Variants in KLRB1 observed in about 807,000 individuals in gnomAD.
KLRB1 encodes the protein killer cell lectin-like receptor subfamily B member 1.
In KLRB1, 27 loss-of-function variants were observed where a neutral mutation model predicts 33.5. The observed-to-expected ratio is 0.81, with a 90% CI of 0.59 to 1.11. The LOEUF (loss-of-function observed/expected upper bound fraction) is 1.11, where lower values mean the gene tolerates loss of function less well. Among genes scored for constraint, KLRB1 ranks in the 50% most tolerant of loss-of-function variants. The pLI, the probability that KLRB1 is intolerant of heterozygous loss-of-function variation, is 0.00. For synonymous variants in KLRB1, 64 were observed against 88.9 expected, an observed-to-expected ratio of 0.72 and a Z score of 1.58; for missense variants, 241 against 254.1, an observed-to-expected ratio of 0.95 and a Z score of 0.35.
intron 1 of KLRB1, among the ~76,000 whole-genome samples, chr12:9,604,935 C>T (rs1351647749): frequency 6.6e-6 from 1 of 152,062 alleles, no homozygotes. Flanking sequence ...GTTTGTTGCA[C>T]CCGTTAACTC....
intron 1 of KLRB1, among the ~76,000 whole-genome samples, chr12:9,606,662 ATAAAATATATAAAATATATG>A (rs1864603095): frequency 1.0e-5 from 1 of 95,386 alleles, no homozygotes; most frequent in African/African-American, 6.7e-5. Flanking sequence ...ATATATATAT[ATAAAATATATAAAATATATG>A]TATAAAAAGT....
intron 1 of KLRB1, among the ~76,000 whole-genome samples, chr12:9,602,749 T>C (rs1429095847): frequency 6.6e-6 from 1 of 152,312 alleles, no homozygotes; most frequent in East Asian, 1.9e-4. Context: ...TCTAATATTA[T>C]TCCATGTAAG....
chr12:9,607,325 C>CTTT (rs879484074), intron 1 of KLRB1, among the ~76,000 whole-genome samples: 2 of 52,210 alleles, frequency 3.8e-5, no homozygotes, highest in Non-Finnish European at 8.5e-5. Context: ...TCTTTTCTTT[C>CTTT]TCTTTCTTTC....
At position 9,606,734 on chromosome 12, in the gene KLRB1, GTATA is replaced by G. The variant is rs1234515362; in HGVS notation, c.85+1017_85+1020del. 7.0e-3 allele frequency among the ~76,000 whole-genome samples: 174 copies of G among 24,888 alleles called. 14 individuals carry two copies. The highest frequency in any genetic ancestry group is 0.013 in the African/African-American group (71 of 5,326). 16.3% of individuals were successfully genotyped at this position (24,888 alleles called of 152,430 possible). A position where few individuals can be genotyped will look rare whatever the true frequency, so the allele number is the denominator to read the frequency against. On this transcript the variant is annotated intron_variant, in intron 1 of 5. Coordinates refer to ENST00000229402, the MANE Select transcript of KLRB1 (RefSeq NM_002258.3). ...AATATATAAAATATATGTATAAAAA[GTATA>G]TATATATATATATATATATATATTT...
intron 3 of KLRB1, 79 bp downstream of exon 3, chr12:9,599,688 A>T: frequency 2.3e-6 from 2 of 886,306 alleles, no homozygotes; most frequent in Admixed American, 3.4e-5. Flanking sequence ...ATGGATTGTT[A>T]TGAATTGTGC....
chr12:9,596,085 G>A (rs774327959), intron 5 of KLRB1, among the ~76,000 whole-genome samples: 3 of 152,140 alleles, frequency 2.0e-5, no homozygotes, highest in Non-Finnish European at 4.4e-5. Flanking sequence ...CAAACAAAGG[G>A]ACAGGCTGTA....
At chr12:9,599,988 A>G in intron 2 of KLRB1, 147 bp from the exon 3 acceptor site, 1 of 564,962 alleles carries the variant, frequency 1.8e-6, no homozygotes, top group Non-Finnish European at 3.1e-6. Flanking sequence ...GGTAAAAAAA[A>G]AAAAAAAAGA....
intron 2 of KLRB1, 139 bp from the exon 3 acceptor site, chr12:9,599,980 TAAA>T (rs55659351): frequency 0.41 from 180,736 of 444,164 alleles, 15,322 homozygotes; most frequent in East Asian, 0.47. Flanking sequence ...AGCGAAGTGG[TAAA>T]AAAAAAAAAA....
chr12:9,605,824 ACT>A (rs1864593455), intron 1 of KLRB1, among the ~76,000 whole-genome samples: 1 of 152,094 alleles, frequency 6.6e-6, no homozygotes, highest in African/African-American at 2.4e-5. Flanking sequence ...CTTCAGGTTT[ACT>A]CTCAGAATGA....
chr12:9,598,478 G>A, intron 4 of KLRB1, 21 bp downstream of exon 4: 3 of 1,591,974 alleles, frequency 1.9e-6, no homozygotes, highest in East Asian at 2.2e-5. Flanking sequence ...TTTTATTAAG[G>A]TATTTTATTT....
intron 1 of KLRB1, among the ~76,000 whole-genome samples, chr12:9,602,058 A>G (rs1864552139): frequency 6.6e-6 from 1 of 152,214 alleles, no homozygotes; most frequent in African/African-American, 2.4e-5. Flanking sequence ...GGTGGTATAC[A>G]GAAATTCTAT....
At chr12:9,604,773 C>T (rs181866423) in intron 1 of KLRB1, among the ~76,000 whole-genome samples, 20 of 152,126 alleles carry the variant, frequency 1.3e-4, no homozygotes, top group African/African-American at 4.8e-4. Context: ...ACATTAACAC[C>T]GTCTCATCTT....
In KLRB1 at chr12:9,601,497, T is replaced by C. The variant is rs201841984; in HGVS notation, c.184+4A>G. On this transcript the variant is annotated splice_donor_region_variant and intron_variant, in intron 2 of 5. Coordinates refer to ENST00000229402, the MANE Select transcript of KLRB1 (RefSeq NM_002258.3). ...TATGAAACAGATGATGGTGCCCCAC[T>C]TACCTGAAACACTCAACCCAGTAAC... 9.1e-5 allele frequency: 145 copies of C among 1,599,460 alleles called. No individual in the cohort carries two copies. The highest frequency in any genetic ancestry group is 2.3e-4 in the Admixed American group (14 of 59,950).
intron 5 of KLRB1, among the ~76,000 whole-genome samples, chr12:9,597,196 C>T (rs768137997): frequency 3.9e-5 from 6 of 151,998 alleles, no homozygotes; most frequent in Non-Finnish European, 7.4e-5. Context: ...TTTTGAGTGA[C>T]GGAAAATACA....
At chr12:9,605,590 G>C (rs1196518888) in intron 1 of KLRB1, among the ~76,000 whole-genome samples, 1 of 152,210 alleles carries the variant, frequency 6.6e-6, no homozygotes, top group East Asian at 1.9e-4. Flanking sequence ...TTTTCTAACA[G>C]ACCAAACCCT....
At chr12:9,605,842 T>A (rs1864593592) in intron 1 of KLRB1, among the ~76,000 whole-genome samples, 1 of 152,234 alleles carries the variant, frequency 6.6e-6, no homozygotes, top group South Asian at 2.1e-4. Context: ...AATGACATTT[T>A]ATAGGATAAT....
At position 9,595,316 on chromosome 12, in the gene KLRB1, T is replaced by C; in HGVS notation, c.636A>G (p.Lys212=). The change falls in exon 6 of 6, where the codon AAA becomes AAG. Residue 212 remains lysine, a synonymous_variant. Coordinates refer to ENST00000229402, the MANE Select transcript of KLRB1 (RefSeq NM_002258.3). The stretch of plus-strand genomic sequence containing the variant: ...CTTTATTTCTCACAGGTGTTAGTTC[T>C]TTTTGGCAGATCCATCTGATTTCTG... ...CSTEIRWICQ[K]ELTPVRNKVY... is the part of the protein sequence containing the mutation. The C allele has an allele frequency of 6.2e-7, 1 of 1,613,334 alleles. No homozygotes were observed. Among genetic ancestry groups the C allele is most frequent in the Non-Finnish European group, 8.5e-7 (1 of 1,179,424 alleles).
intron 1 of KLRB1, among the ~76,000 whole-genome samples, chr12:9,607,358 T>TTCTTTCTTTCTTTCTC: frequency 1.4e-5 from 1 of 72,500 alleles, no homozygotes; most frequent in Admixed American, 1.5e-4. Context: ...CTTTCTTCCT[T>TTCTTTCTTTCTTTCTC]TCTTTCTTTC....
At chr12:9,602,659 T>C (rs1864558194) in intron 1 of KLRB1, among the ~76,000 whole-genome samples, 1 of 152,058 alleles carries the variant, frequency 6.6e-6, no homozygotes, top group Admixed American at 6.5e-5. Flanking sequence ...TTATTAGAGC[T>C]AGGAGCTTTT....
Sources: allele counts gnomAD v4.1 joint callset (sites outside exome capture counted in the v4.1 genomes callset), GRCh38; gene constraint gnomAD v4.1.1; transcripts MANE v1.5; gene names NCBI Gene and HGNC (gene_info 2026-07-23, HGNC 2026-07-21).